BAZ2A: variants seen among roughly 807,000 people sequenced by gnomAD.
BAZ2A encodes the protein bromodomain adjacent to zinc finger domain 2A, also known as bromodomain adjacent to zinc finger domain protein 2A.
In BAZ2A, 34 loss-of-function variants were observed where a neutral mutation model predicts 199.9. The observed-to-expected ratio is 0.17, with a 90% CI of 0.13 to 0.23. The LOEUF is 0.23. BAZ2A is among the 10% of genes least tolerant of loss of function. BAZ2A has a pLI of 1.00. For synonymous variants in BAZ2A, 857 were observed against 883.9 expected (o/e 0.97, Z 0.54); for missense variants, 2,002 against 2,391.1 (o/e 0.84, Z 3.39).
At chr12:56,621,990 T>C (rs911925584) in intron 1 of BAZ2A, among the ~76,000 whole-genome samples, 4 of 151,538 alleles carry the variant, frequency 2.6e-5, no homozygotes, top group Admixed American at 6.6e-5. Flanking sequence ...TTACCAGGAC[T>C]ACATTAGCTA....
At chr12:56,600,592 T>A in intron 23 of BAZ2A, 89 bp downstream of exon 23, 1 of 1,570,866 alleles carries the variant, frequency 6.4e-7, no homozygotes, top group Non-Finnish European at 8.6e-7. Context: ...AGGTCACCTG[T>A]GAAGTAGGGA....
Position 56,610,153 on chromosome 12 carries a change from C to T in BAZ2A, c.1842G>A (p.Met614Ile), listed in dbSNP as rs766511032. Residue 614 changes from methionine (M) to isoleucine (I), a missense_variant, in exon 9 of 29, where the codon ATG becomes ATA. Physicochemically the swap from Met to Ile is conservative, Grantham distance 10. This residue lies in a region of BAZ2A where 74 missense variants were observed against 126.1 expected (regional missense o/e 0.59). Transcript: ENST00000549884. The stretch of plus-strand genomic sequence containing the variant: ...TTTCTTCAAAGAAATCTCCAACAGG[C>T]ATACGGGGACTGAAGCTGAAGTGCT... The part of the protein sequence containing the change: ...RREHFSFSPR[M>I]PVGDFFEERD... 1.2e-6 allele frequency: 2 copies of T among 1,613,948 alleles called. No individual in the cohort carries two copies. The highest frequency in any genetic ancestry group is 4.5e-5 in the East Asian group (2 of 44,892).
In BAZ2A at chr12:56,614,202, A is replaced by G. The variant is rs993508135; in HGVS notation, c.731-64T>C. The G allele has an allele frequency of 4.0e-6, 6 of 1,486,962 alleles. No homozygotes were observed. The African/African-American group carries it at 5.6e-5, about 14-fold the overall frequency. The allele number at this position is 1,486,962 out of a possible 1,614,324, so 92.1% of individuals were successfully genotyped here. The stretch of plus-strand genomic sequence containing the variant: ...GCCTTATATTGGTTCACTTAGCTAT[A>G]CTAGGCAGTCAATCTTTGCTAGAAG... On this transcript the variant is annotated intron_variant, in intron 3 of 28. Transcript: ENST00000549884.
chr12:56,621,302 G>A (rs920182975), intron 1 of BAZ2A: 10 of 960,228 alleles, frequency 1.0e-5, no homozygotes, highest in Non-Finnish European at 1.2e-5. Flanking sequence ...ATAACAACAT[G>A]TCGATGGCTC....
In BAZ2A at chr12:56,599,275, T is replaced by C; in HGVS notation, c.5256A>G (p.Ser1752=). ...KRKSGYSLNF[S]EGDGRRRRVL... ...CCCGGCGTCGGCGGCCATCACCCTCTGAGAAGTTCAGCGAATAACCACTTT... is the reference window on the plus strand; with the variant it reads ...CCCGGCGTCGGCGGCCATCACCCTCCGAGAAGTTCAGCGAATAACCACTTT... Residue 1752 remains serine, a synonymous_variant, in exon 27 of 29, where the codon TCA becomes TCG. Coordinates refer to ENST00000549884, the MANE Select transcript of BAZ2A (RefSeq NM_001300905.2). The C allele has an allele frequency of 6.2e-7, 1 of 1,613,574 alleles. No individual in the cohort carries two copies. Among genetic ancestry groups the C allele is most frequent in the Non-Finnish European group, 8.5e-7 (1 of 1,179,822 alleles).
chr12:56,606,519 G>A (rs1190191594), intron 11 of BAZ2A, 114 bp downstream of exon 11: 1 of 1,239,322 alleles, frequency 8.1e-7, no homozygotes. Context: ...AAATTTCAGG[G>A]TAATGAAGAT....
At position 56,604,662 on chromosome 12, in the gene BAZ2A, C is replaced by T; in HGVS notation, c.2886G>A (p.Gln962=). ...CAGCCTTCTGCTGGGGTGGCTGGGCCTGAAAAGGCTGGGTGCGCAGGCGGT... is the reference window on the plus strand; with the variant it reads ...CAGCCTTCTGCTGGGGTGGCTGGGCTTGAAAAGGCTGGGTGCGCAGGCGGT... ...LCDRLRTQPF[Q]AQPPQQKAAV... Residue 962 remains glutamine (Q), a synonymous_variant, in exon 15 of 29, where the codon CAG becomes CAA. Coordinates refer to ENST00000549884, the MANE Select transcript of BAZ2A (RefSeq NM_001300905.2). 2 of 1,611,396 alleles carry T rather than the reference C, an allele frequency of 1.2e-6. No individual in the cohort carries two copies. Among genetic ancestry groups the T allele is most frequent in the Admixed American group, 1.7e-5 (1 of 59,590 alleles).
At chr12:56,628,847 G>A (rs530459055) in intron 1 of BAZ2A, among the ~76,000 whole-genome samples, 11 of 152,274 alleles carry the variant, frequency 7.2e-5, no homozygotes, top group Non-Finnish European at 1.5e-5. Context: ...TCTATGCTGA[G>A]GGAATTTGCA....
At chr12:56,606,437 G>T in intron 11 of BAZ2A, 125 bp from the exon 12 acceptor site, 1 of 1,249,496 alleles carries the variant, frequency 8.0e-7, no homozygotes, top group Non-Finnish European at 1.2e-6. Flanking sequence ...GGTTGGCAAT[G>T]GATTAATTCT....
chr12:56,602,206 TAA>T lies in BAZ2A; in HGVS notation c.3425-16_3425-15del. On this transcript the variant is annotated splice_polypyrimidine_tract_variant and intron_variant, in intron 19 of 28. Coordinates refer to ENST00000549884, the MANE Select transcript of BAZ2A (RefSeq NM_001300905.2). ...CCTCCTCAGGAACTGTAAAGAGAAGTAAAGAGTTAAGCCATATGCTGACATAC... is the reference window on the plus strand; with the variant it reads ...CCTCCTCAGGAACTGTAAAGAGAAGTAGAGTTAAGCCATATGCTGACATAC... 3.2e-6 allele frequency: 5 copies of T among 1,554,136 alleles called. No individual in the cohort carries two copies. In the South Asian group the frequency reaches 3.5e-5, roughly 11 times the overall value.
Position 56,636,064 on chromosome 12 carries a change from C to T in BAZ2A, c.4+118G>A, listed in dbSNP as rs1394748609. On this transcript the variant is annotated intron_variant, in intron 1 of 29. Coordinates refer to the BAZ2A transcript ENST00000379441. ...CCCTGTGCCCCCCGTCCCCCAGAGT[C>T]CTGTTTCCTCTCCTTCAGCCCCCAA... The T allele has an allele frequency of 2.8e-5, 36 of 1,275,646 alleles. No individual in the cohort carries two copies. In the East Asian group the frequency reaches 7.7e-4, roughly 27 times the overall value. 79.0% of individuals were successfully genotyped at this position (1,275,646 alleles called of 1,614,324 possible). A position where few individuals can be genotyped will look rare whatever the true frequency, so the allele number is the denominator to read the frequency against.
intron 5 of BAZ2A, among the ~76,000 whole-genome samples, chr12:56,612,544 G>A (rs1427049273): frequency 1.3e-5 from 2 of 152,174 alleles, no homozygotes; most frequent in South Asian, 2.1e-4. Context: ...GGCACAGGTC[G>A]GAGTATAGCA....
In BAZ2A at chr12:56,600,937, A is replaced by G. The variant is rs776506621; in HGVS notation, c.4450+6T>C. On this transcript the variant is annotated splice_donor_region_variant and intron_variant, in intron 22 of 28. Transcript: ENST00000549884. The stretch of plus-strand genomic sequence containing the variant: ...CAGCTCAAGCTGGGTGTAGGAATGT[A>G]TTTACCAGCTGAGGGCCGCAGGCAG... 33 of 1,613,516 alleles carry G rather than the reference A, an allele frequency of 2.0e-5. No individual in the cohort carries two copies. Among genetic ancestry groups the G allele is most frequent in the Non-Finnish European group, 2.6e-5 (31 of 1,179,724 alleles).
chr12:56,624,047 C>T (rs1951006076), intron 1 of BAZ2A, among the ~76,000 whole-genome samples: 1 of 151,402 alleles, frequency 6.6e-6, no homozygotes, highest in South Asian at 2.1e-4. Context: ...GAATTCAAGA[C>T]TGGCCTGCGC....
Position 56,601,594 on chromosome 12 carries a change from A to G in BAZ2A, c.4023T>C (p.Ser1341=), listed in dbSNP as rs1299872341. The G allele has an allele frequency of 1.2e-6, 2 of 1,613,860 alleles. No individual in the cohort carries two copies. Among genetic ancestry groups the G allele is most frequent in the Non-Finnish European group, 1.7e-6 (2 of 1,179,866 alleles). Residue 1341 remains serine, a synonymous_variant, in exon 20 of 29, where the codon TCT becomes TCC. Transcript: ENST00000549884. ...GAGGGGAGGGAGTGGGTTGGTCCTC[A>G]GAAACTGCAGGGGGCGGTGTGGGGG... ...NAAPTPPPAV[S]EDQPTPSPQQ...
rs745785227 is a variant in BAZ2A at position 56,599,833 on chromosome 12, G to A, written c.5041C>T (p.Arg1681Trp). Reference protein sequence around the residue: ...SVNKVTCLVCRKGDNDEFLLL... With the variant: ...SVNKVTCLVCWKGDNDEFLLL... ...AGAAACTCATCATTGTCACCCTTCCGGCAGACTAGACATGTCTGGACCAAG... is the reference window on the plus strand; with the variant it reads ...AGAAACTCATCATTGTCACCCTTCCAGCAGACTAGACATGTCTGGACCAAG... Residue 1681 changes from arginine to tryptophan, a missense_variant, in exon 26 of 29, where the codon CGG (arginine) becomes TGG (tryptophan). By Grantham distance (101) the Arg-to-Trp change is moderately radical. This residue lies in a region of BAZ2A where 1,081 missense variants were observed against 1,274.7 expected (regional missense o/e 0.85). Transcript: ENST00000549884. The A allele has an allele frequency of 4.3e-6, 7 of 1,613,850 alleles. No homozygotes were observed. In the East Asian group the frequency reaches 6.7e-5, roughly 15 times the overall value.
At position 56,630,322 on chromosome 12, in the gene BAZ2A, G is replaced by T; in HGVS notation, c.-200C>A. 1 of 980,098 alleles carries T rather than the reference G, an allele frequency of 1.0e-6. No individual in the cohort carries two copies. Among genetic ancestry groups the T allele is most frequent in the Non-Finnish European group, 1.2e-6 (1 of 825,096 alleles). 60.7% of individuals were successfully genotyped at this position (980,098 alleles called of 1,614,324 possible). Reference sequence around the variant, plus strand: ...AGGAGCCAACATGGCCGGCGGGGGAGGAGTGAGTCGGAGCCGGAGGGGGCG... The same window carrying T: ...AGGAGCCAACATGGCCGGCGGGGGATGAGTGAGTCGGAGCCGGAGGGGGCG... On this transcript the variant is annotated 5_prime_UTR_variant, in exon 1 of 29. Transcript: ENST00000549884.
upstream of BAZ2A, among the ~76,000 whole-genome samples, chr12:56,631,179 G>A (rs926603496): frequency 3.3e-5 from 5 of 152,194 alleles, no homozygotes; most frequent in African/African-American, 1.2e-4. Context: ...CAGGCCGGAC[G>A]CGGTGGCTCA....
At chr12:56,599,612 C>T in intron 26 of BAZ2A, 90 bp downstream of exon 26, 1 of 1,568,274 alleles carries the variant, frequency 6.4e-7, no homozygotes, top group South Asian at 1.2e-5. Context: ...CCCCTAATAC[C>T]CAGTCTAGGA....
Sources: allele counts gnomAD v4.1 joint callset (sites outside exome capture counted in the v4.1 genomes callset), GRCh38; gene constraint gnomAD v4.1.1; regional missense constraint gnomAD v4.1.1; transcripts MANE v1.5; gene names NCBI Gene and HGNC (gene_info 2026-07-23, HGNC 2026-07-21).